Variants in SORCS2 observed in about 807,000 individuals in gnomAD.
The protein encoded by SORCS2 is sortilin related VPS10 domain containing receptor 2.
A neutral mutation model predicts 141.6 loss-of-function variants in SORCS2; 100 were observed. That is an observed-to-expected ratio of 0.71 (90% CI 0.60 to 0.83). The LOEUF (loss-of-function observed/expected upper bound fraction) is 0.83, where lower values mean the gene tolerates loss of function less well. Among genes scored for constraint, SORCS2 ranks in the 40% least tolerant of loss-of-function variants. The pLI, the probability that SORCS2 is intolerant of heterozygous loss-of-function variation, is 0.00. For synonymous variants in SORCS2, 789 were observed against 676.9 expected (o/e 1.17, Z -2.57); for missense variants, 1,646 against 1,560.2 (o/e 1.05, Z -0.93).
At chr4:7,623,750 C>A (rs1719352263) in intron 3 of SORCS2, among the ~76,000 whole-genome samples, 2 of 152,220 alleles carry the variant, frequency 1.3e-5, no homozygotes, top group African/African-American at 4.8e-5. Flanking sequence ...GGGTTCACGG[C>A]TGCCGCTTAT....
chr4:7,731,337 A>G (rs1711665441), intron 23 of SORCS2, among the ~76,000 whole-genome samples: 1 of 152,242 alleles, frequency 6.6e-6, no homozygotes. Flanking sequence ...CGACGGAAAG[A>G]TACCCTGTGT....
At chr4:7,430,675 T>G (rs6854437) in intron 2 of SORCS2, 48,523 of 152,122 alleles carry the variant, frequency 0.32, 7,978 homozygotes, top group East Asian at 0.47. Flanking sequence ...GGGAAATCCA[T>G]GCTCAACATC....
At chr4:7,563,584 C>T (rs1298055375) in intron 3 of SORCS2, among the ~76,000 whole-genome samples, 1 of 152,188 alleles carries the variant, frequency 6.6e-6, no homozygotes, top group Non-Finnish European at 1.5e-5. Context: ...GGAGGGGAAT[C>T]TGACCCAGCT....
At chr4:7,655,666 G>A (rs908577847) in intron 5 of SORCS2, among the ~76,000 whole-genome samples, 7 of 152,210 alleles carry the variant, frequency 4.6e-5, no homozygotes, top group African/African-American at 7.2e-5. Context: ...TTCCTCCCTC[G>A]GAAACCAGAG....
At chr4:7,327,365 C>T (rs1045886237) in intron 1 of SORCS2, among the ~76,000 whole-genome samples, 2 of 152,346 alleles carry the variant, frequency 1.3e-5, no homozygotes, top group African/African-American at 4.8e-5. Flanking sequence ...TCTGTCTTCA[C>T]GTGGCCCCTC....
intron 1 of SORCS2, among the ~76,000 whole-genome samples, chr4:7,224,362 T>C (rs1376866938): frequency 1.3e-5 from 2 of 152,198 alleles, no homozygotes; most frequent in South Asian, 4.1e-4. Context: ...TTTAATAATT[T>C]GCGATGAGTG....
At chr4:7,285,008 C>T (rs554576361) in intron 1 of SORCS2, among the ~76,000 whole-genome samples, 93 of 150,230 alleles carry the variant, frequency 6.2e-4, no homozygotes, top group African/African-American at 2.2e-3. Context: ...TACCCGCTCA[C>T]CTGGGACCAT....
intron 1 of SORCS2, among the ~76,000 whole-genome samples, chr4:7,242,975 A>G (rs1311669358): frequency 6.6e-6 from 1 of 152,162 alleles, no homozygotes; most frequent in African/African-American, 2.4e-5. Flanking sequence ...GCAGTGACAC[A>G]TGCTGGTGAG....
At chr4:7,311,180 T>C (rs1408484476) in intron 1 of SORCS2, among the ~76,000 whole-genome samples, 3 of 152,238 alleles carry the variant, frequency 2.0e-5, no homozygotes, top group East Asian at 3.9e-4. Context: ...CTCTGCAGTA[T>C]CCTCCTCCTT....
intron 10 of SORCS2, among the ~76,000 whole-genome samples, chr4:7,686,342 A>G (rs931337778): frequency 6.6e-6 from 1 of 152,268 alleles, no homozygotes; most frequent in African/African-American, 2.4e-5. Context: ...CCAGGCGTCC[A>G]GGTGGCTGGT....
intron 2 of SORCS2, among the ~76,000 whole-genome samples, chr4:7,491,125 C>T (rs971456142): frequency 3.9e-5 from 6 of 152,334 alleles, no homozygotes; most frequent in East Asian, 1.9e-4. Context: ...CTCCTCTCCC[C>T]TCCTCCAGTT....
chr4:7,272,715 G>T (rs1285843712), intron 1 of SORCS2, among the ~76,000 whole-genome samples: 2 of 152,242 alleles, frequency 1.3e-5, no homozygotes, highest in African/African-American at 4.8e-5. Flanking sequence ...GACAATTTGC[G>T]AAGGAACAAT....
At chr4:7,583,207 G>A (rs1716276772) in intron 3 of SORCS2, among the ~76,000 whole-genome samples, 1 of 152,142 alleles carries the variant, frequency 6.6e-6, no homozygotes, top group South Asian at 2.1e-4. Flanking sequence ...GCCTTCTAGT[G>A]CCTGAAAGAA....
intron 3 of SORCS2, among the ~76,000 whole-genome samples, chr4:7,540,428 G>C (rs1011410051): frequency 1.5e-4 from 23 of 152,132 alleles, no homozygotes; most frequent in Admixed American, 1.4e-3. Flanking sequence ...GCGGGGGATG[G>C]CAGCACCCTG....
intron 1 of SORCS2, among the ~76,000 whole-genome samples, chr4:7,388,762 A>G (rs555236210): frequency 2.0e-5 from 3 of 152,310 alleles, no homozygotes; most frequent in East Asian, 1.9e-4. Context: ...ATCTCCCTGC[A>G]TCGGCTCCGA....
chr4:7,238,312 A>G (rs1686584759), intron 1 of SORCS2, among the ~76,000 whole-genome samples: 1 of 152,124 alleles, frequency 6.6e-6, no homozygotes, highest in African/African-American at 2.4e-5. Flanking sequence ...CTGGTACTGC[A>G]TACAGCTTTG....
chr4:7,527,620 G>T (rs2109531393), intron 2 of SORCS2, among the ~76,000 whole-genome samples: 1 of 152,312 alleles, frequency 6.6e-6, no homozygotes. Flanking sequence ...TGTAGATAAT[G>T]AATGTGGCTG....
At position 7,507,813 on chromosome 4, in the gene SORCS2, T is replaced by C. The variant is rs577731870; in HGVS notation, c.549-23717T>C. 3.3e-5 allele frequency among the ~76,000 whole-genome samples: 5 copies of C among 152,296 alleles called. No homozygotes were observed. The South Asian group carries it at 1.0e-3, about 32-fold the overall frequency. On this transcript the variant is annotated intron_variant, in intron 2 of 26. Coordinates refer to ENST00000507866, the MANE Select transcript of SORCS2 (RefSeq NM_020777.3). ...GCTGGCTGGAACACGGGGTTGGGTCTCTGTGTTCGAGCCATGCGCCAAAAT... is the reference window on the plus strand; with the variant it reads ...GCTGGCTGGAACACGGGGTTGGGTCCCTGTGTTCGAGCCATGCGCCAAAAT...
intron 1 of SORCS2, among the ~76,000 whole-genome samples, chr4:7,250,207 C>A (rs991083084): frequency 5.9e-5 from 9 of 151,936 alleles, no homozygotes; most frequent in Admixed American, 1.3e-4. Context: ...GCGCCACTGC[C>A]CTCCAGCCTG....
Sources: allele counts gnomAD v4.1 joint callset (sites outside exome capture counted in the v4.1 genomes callset), GRCh38; gene constraint gnomAD v4.1.1; transcripts MANE v1.5; gene names NCBI Gene and HGNC (gene_info 2026-07-23, HGNC 2026-07-21).